Variants in CIZ1 observed in about 807,000 individuals in gnomAD.
CIZ1 encodes cip1-interacting zinc finger protein.
CIZ1 carries 58 observed loss-of-function variants against 118.6 expected under a neutral mutation model. That is an observed-to-expected ratio of 0.49 (90% CI 0.40 to 0.61). The LOEUF (loss-of-function observed/expected upper bound fraction) is 0.61, where lower values mean the gene tolerates loss of function less well. CIZ1 is among the 20% of genes least tolerant of loss of function. CIZ1 has a pLI of 0.00. For synonymous variants in CIZ1, 448 were observed against 443.4 expected (o/e 1.01, Z -0.13); for missense variants, 921 against 1,115.9 (o/e 0.83, Z 2.49).
upstream of CIZ1, among the ~76,000 whole-genome samples, chr9:128,195,430 G>A (rs1294543688): frequency 1.3e-5 from 2 of 152,078 alleles, no homozygotes; most frequent in African/African-American, 4.8e-5. Flanking sequence ...TGATTCTCGT[G>A]CCTCAGCATC....
At chr9:128,180,383 C>G (rs775190123) in intron 7 of CIZ1, 32 bp downstream of exon 7, 2 of 1,541,864 alleles carry the variant, frequency 1.3e-6, no homozygotes, top group Admixed American at 1.7e-5. Context: ...ACAGGGCACC[C>G]GGGCGCAGGT....
chr9:128,183,357 C>T (rs1022928607), intron 5 of CIZ1, among the ~76,000 whole-genome samples: 9 of 152,108 alleles, frequency 5.9e-5, no homozygotes, highest in South Asian at 4.1e-4. Flanking sequence ...TTTTTCCATA[C>T]GTAAAAAAAT....
intron 1 of CIZ1, among the ~76,000 whole-genome samples, chr9:128,201,673 A>G (rs1833523748): frequency 1.3e-5 from 2 of 152,186 alleles, no homozygotes; most frequent in African/African-American, 2.4e-5. Flanking sequence ...GTGAGCTGTT[A>G]TCATTGGCAT....
intron 5 of CIZ1, among the ~76,000 whole-genome samples, chr9:128,181,147 G>A (rs1005635279): frequency 6.6e-6 from 1 of 151,784 alleles, no homozygotes; most frequent in African/African-American, 2.4e-5. Flanking sequence ...CAGAATTTCA[G>A]TCTTGTGGCC....
At position 128,169,018 on chromosome 9, in the gene CIZ1, A is replaced by G. The variant is rs539260912; in HGVS notation, c.2295+34T>C. ...GTCTGTCCTGGGCTGGGAATCCAGC[A>G]CCAAGCCCGCCTCCCACACCCTCCC... On this transcript the variant is annotated intron_variant, in intron 14 of 16. Coordinates refer to ENST00000372938, the MANE Select transcript of CIZ1 (RefSeq NM_001131016.2). 15 of 1,612,848 alleles carry G rather than the reference A, an allele frequency of 9.3e-6. No individual in the cohort carries two copies. The African/African-American group carries it at 2.0e-4, about 22-fold the overall frequency.
At chr9:128,168,900 T>G (rs2130902204) in intron 14 of CIZ1, 152 bp downstream of exon 14, 1 of 1,078,236 alleles carries the variant, frequency 9.3e-7, no homozygotes, top group Admixed American at 2.2e-5. Context: ...AATTACATAG[T>G]CATGCAGAAG....
At chr9:128,199,700 T>G (rs1236161244) in intron 1 of CIZ1, among the ~76,000 whole-genome samples, 2 of 151,796 alleles carry the variant, frequency 1.3e-5, no homozygotes, top group Admixed American at 1.3e-4. Flanking sequence ...GCAAGGTTTA[T>G]CTTATCTCTA....
intron 14 of CIZ1, chr9:128,168,683 C>G (rs1829754408): frequency 3.6e-6 from 1 of 274,502 alleles, no homozygotes. Flanking sequence ...GGTACACACA[C>G]CTGGAACACA....
Position 128,178,946 on chromosome 9 carries a change from G to A in CIZ1, c.1261C>T (p.Leu421=). The change falls in exon 8 of 17, where the codon CTG becomes TTG. Residue 421 remains leucine (L), a synonymous_variant. Coordinates refer to ENST00000372938, the MANE Select transcript of CIZ1 (RefSeq NM_001131016.2). ...AHSQPPRQVQ[L]QLQKQVQTQT... ...GTCTGGACCTGCTTCTGCAGCTGCA[G>A]CTGCACCTGCCTTGGGGGCTGTGAA... is the stretch of plus-strand genomic sequence containing the variant. 1.2e-6 allele frequency: 2 copies of A among 1,613,708 alleles called. No homozygotes were observed. Among genetic ancestry groups the A allele is most frequent in the South Asian group, 1.1e-5 (1 of 90,880 alleles).
intron 1 of CIZ1, among the ~76,000 whole-genome samples, chr9:128,201,202 A>G (rs1016649077): frequency 2.7e-4 from 41 of 152,168 alleles, no homozygotes; most frequent in African/African-American, 9.4e-4. Context: ...CAGGAGGTGG[A>G]GGTTGCAGTG....
In CIZ1 at chr9:128,203,758, A is replaced by G. The variant is rs376304839; in HGVS notation, c.-6+428T>C. On this transcript the variant is annotated intron_variant, in intron 1 of 17. Coordinates refer to the CIZ1 transcript ENST00000372948. This position sits in a 1 kb window ranked among gnomAD's most constrained non-coding sequence, Gnocchi z 5.3. ...TGCACCCGCGGCCGGCGCGCCCCCC[A>G]CCCCCAGCCGGAGCGAGGAGGCCCT... 4.0e-6 allele frequency: 3 copies of G among 749,498 alleles called. No homozygotes were observed. Among genetic ancestry groups the G allele is most frequent in the East Asian group, 9.6e-5 (2 of 20,824 alleles). The allele number at this position is 749,498 out of a possible 1,614,324, so 46.4% of individuals were successfully genotyped here.
chr9:128,173,995 G>C (rs1270265820), intron 11 of CIZ1, among the ~76,000 whole-genome samples: 2 of 148,542 alleles, frequency 1.3e-5, no homozygotes, highest in Admixed American at 6.9e-5. Flanking sequence ...GACAGAGCGA[G>C]ACTCCATCTC....
chr9:128,178,162 G>A (rs570334809), intron 9 of CIZ1, among the ~76,000 whole-genome samples: 5 of 152,284 alleles, frequency 3.3e-5, no homozygotes, highest in Non-Finnish European at 7.4e-5. Flanking sequence ...GGACGGATGT[G>A]AAGACAGCAC....
chr9:128,169,272 C>A, intron 13 of CIZ1, 71 bp from the exon 14 acceptor site: 2 of 1,448,984 alleles, frequency 1.4e-6, no homozygotes, highest in East Asian at 2.3e-5. Flanking sequence ...ACCCACCCCA[C>A]CCCTCCCCTG....
upstream of CIZ1, among the ~76,000 whole-genome samples, chr9:128,192,781 G>A (rs144914438): frequency 4.6e-3 from 701 of 152,360 alleles, 7 homozygotes; most frequent in African/African-American, 0.016. Context: ...GACCTCAAGT[G>A]ATTCGCCTGC....
intron 12 of CIZ1, 191 bp downstream of exon 12, chr9:128,169,829 C>A: frequency 1.0e-5 from 11 of 1,083,568 alleles, no homozygotes; most frequent in Non-Finnish European, 1.5e-5. Flanking sequence ...TGGGGCCTGG[C>A]CTACACTGGA....
chr9:128,180,947 G>A (rs1189983048), intron 5 of CIZ1, 133 bp from the exon 6 acceptor site: 5 of 671,754 alleles, frequency 7.4e-6, no homozygotes, highest in African/African-American at 1.8e-5. Flanking sequence ...TGGCCCCAGA[G>A]TTGCCGAGTG....
At position 128,201,824 on chromosome 9, in the gene CIZ1, G is replaced by A. The variant is rs10987927; in HGVS notation, c.-6+2362C>T. On this transcript the variant is annotated intron_variant, in intron 1 of 17. Coordinates refer to the CIZ1 transcript ENST00000372948. ...GACGTGGAGGGACCTGGGTCACGCAGCTTGTTTAAGGCCCAGATTAGACTC... is the reference window on the plus strand; with the variant it reads ...GACGTGGAGGGACCTGGGTCACGCAACTTGTTTAAGGCCCAGATTAGACTC... 8.9e-3 allele frequency among the ~76,000 whole-genome samples: 1,358 copies of A among 152,260 alleles called. 22 individuals are homozygous for A. Among genetic ancestry groups the A allele is most frequent in the East Asian group, 0.042 (216 of 5,164 alleles).
chr9:128,167,765 C>T (rs1829612767), intron 14 of CIZ1: 1 of 154,300 alleles, frequency 6.5e-6, no homozygotes, highest in African/African-American at 2.4e-5. Context: ...TCAGCCCTAG[C>T]AGGCCTAGCA....
Sources: allele counts gnomAD v4.1 joint callset (sites outside exome capture counted in the v4.1 genomes callset), GRCh38; gene constraint gnomAD v4.1.1; non-coding constraint Gnocchi (gnomAD v3.1); transcripts MANE v1.5; gene names NCBI Gene and HGNC (gene_info 2026-07-23, HGNC 2026-07-21).